MICU2: variants seen among roughly 807,000 people sequenced by gnomAD.
The protein encoded by MICU2 is mitochondrial calcium uptake 2, also known as calcium uptake protein 2, mitochondrial.
Under a neutral mutation model 60.4 loss-of-function variants are expected in MICU2, and 64 were observed. That is an observed-to-expected ratio of 1.06 (90% CI 0.87 to 1.31). The LOEUF (loss-of-function observed/expected upper bound fraction) is 1.31, where lower values mean the gene tolerates loss of function less well. MICU2 is among the 50% of genes most tolerant of loss of function. The probability of loss-of-function intolerance (pLI) is 0.00; values close to 1 mark genes in which losing one functional copy is unlikely to be tolerated. For synonymous variants in MICU2, 201 were observed against 175.0 expected, an observed-to-expected ratio of 1.15 and a Z score of -1.17; for missense variants, 569 against 531.0, an observed-to-expected ratio of 1.07 and a Z score of -0.70.
At position 21,522,481 on chromosome 13, in the gene MICU2, T is replaced by C. The variant is rs561374158; in HGVS notation, c.514+122A>G. The C allele has an allele frequency of 1.6e-5, 11 of 709,044 alleles. 1 individual carries two copies. The highest frequency in any genetic ancestry group is 5.5e-5 in the African/African-American group (3 of 54,798). The allele number at this position is 709,044 out of a possible 1,614,324, so 43.9% of individuals were successfully genotyped here. A position where few individuals can be genotyped will look rare whatever the true frequency, so the allele number is the denominator to read the frequency against. ...ATCCAACATTATCATTTTGCAGATA[T>C]AGAAACTAAGGCATCAATAATGTTT... On this transcript the variant is annotated intron_variant, in intron 5 of 11. Coordinates refer to ENST00000382374, the MANE Select transcript of MICU2 (RefSeq NM_152726.3).
intron 4 of MICU2, among the ~76,000 whole-genome samples, chr13:21,532,964 C>A (rs1260042033): frequency 6.6e-6 from 1 of 151,972 alleles, no homozygotes; most frequent in Non-Finnish European, 1.5e-5. Context: ...TAGAGAGAAA[C>A]AAACTGGTGA....
intron 9 of MICU2, among the ~76,000 whole-genome samples, chr13:21,499,277 G>T (rs1415880316): frequency 2.0e-5 from 3 of 152,056 alleles, no homozygotes; most frequent in African/African-American, 4.8e-5. Flanking sequence ...AATTGTGAAT[G>T]AAGTTAAACA....
intron 9 of MICU2, among the ~76,000 whole-genome samples, chr13:21,500,960 T>C (rs527481395): frequency 9.8e-5 from 15 of 152,330 alleles, no homozygotes; most frequent in African/African-American, 3.6e-4. Flanking sequence ...TGTTTTCTTC[T>C]ACACTTACTC....
intron 1 of MICU2, among the ~76,000 whole-genome samples, chr13:21,585,047 A>T (rs1177640988): frequency 6.6e-6 from 1 of 152,244 alleles, no homozygotes; most frequent in East Asian, 1.9e-4. Context: ...GTCACTGTAT[A>T]GATTTACAGT....
At chr13:21,541,997 T>A (rs988028300) in intron 2 of MICU2, among the ~76,000 whole-genome samples, 3 of 152,056 alleles carry the variant, frequency 2.0e-5, no homozygotes, top group Admixed American at 2.0e-4. Flanking sequence ...TGATTAAAAG[T>A]TTAGAAGCTA....
intron 8 of MICU2, among the ~76,000 whole-genome samples, chr13:21,504,342 T>C (rs892666245): frequency 3.3e-5 from 5 of 151,984 alleles, no homozygotes; most frequent in African/African-American, 7.2e-5. Flanking sequence ...AAGCAGAAGA[T>C]AGGGCATAAA....
intron 1 of MICU2, among the ~76,000 whole-genome samples, chr13:21,590,840 C>A (rs569682566): frequency 6.6e-6 from 1 of 152,058 alleles, no homozygotes; most frequent in Non-Finnish European, 1.5e-5. Context: ...GGCGACAAAG[C>A]GAGACTCTGT....
intron 9 of MICU2, among the ~76,000 whole-genome samples, chr13:21,497,485 G>C (rs1011269328): frequency 2.0e-5 from 3 of 152,168 alleles, no homozygotes; most frequent in Non-Finnish European, 4.4e-5. Context: ...GAGGTGGCCG[G>C]ACTGCCTGAG....
chr13:21,597,251 T>C (rs1218913643), intron 1 of MICU2, among the ~76,000 whole-genome samples: 1 of 152,222 alleles, frequency 6.6e-6, no homozygotes, highest in East Asian at 1.9e-4. Flanking sequence ...GCACCTACTA[T>C]GTGCCAGACT....
At chr13:21,546,764 C>T (rs1887429011) in intron 2 of MICU2, among the ~76,000 whole-genome samples, 2 of 151,982 alleles carry the variant, frequency 1.3e-5, no homozygotes, top group Admixed American at 6.6e-5. Flanking sequence ...TAGCTAGAGG[C>T]TTGCAGAAAC....
At chr13:21,594,884 G>C (rs1888659231) in intron 1 of MICU2, among the ~76,000 whole-genome samples, 1 of 152,096 alleles carries the variant, frequency 6.6e-6, no homozygotes, top group East Asian at 1.9e-4. Context: ...GTTAGGGGGT[G>C]GGGATTGAGG....
chr13:21,556,384 T>C (rs1295620784), intron 2 of MICU2, among the ~76,000 whole-genome samples: 1 of 152,200 alleles, frequency 6.6e-6, no homozygotes, highest in Non-Finnish European at 1.5e-5. Flanking sequence ...TCCTTATCTC[T>C]TCACCTCCAA....
At chr13:21,537,270 C>T (rs150237436) in intron 4 of MICU2, among the ~76,000 whole-genome samples, 1 of 152,264 alleles carries the variant, frequency 6.6e-6, no homozygotes, top group African/African-American at 2.4e-5. Context: ...CCTAGCAAAT[C>T]CTAACTGTCC....
At chr13:21,525,761 T>C (rs1886838244) in intron 4 of MICU2, among the ~76,000 whole-genome samples, 1 of 151,928 alleles carries the variant, frequency 6.6e-6, no homozygotes, top group Admixed American at 6.6e-5. Context: ...TTAAGAAAAG[T>C]TTTGTATAGT....
chr13:21,521,905 G>A (rs1886726380), intron 5 of MICU2, among the ~76,000 whole-genome samples: 1 of 152,114 alleles, frequency 6.6e-6, no homozygotes. Context: ...GCCTCGACAA[G>A]TAGTTGCGAC....
Position 21,556,364 on chromosome 13 carries a change from C to CTCTGGGTTTTCCTTA in MICU2, c.358+10418_358+10432dup, listed in dbSNP as rs1370371744. Reference sequence around the variant, plus strand: ...TCTTCCTACCTTTTAGCTGCTCCTTCTCTGGGTTTTCCTTATCTCTTCACC... The same window carrying CTCTGGGTTTTCCTTA: ...TCTTCCTACCTTTTAGCTGCTCCTTCTCTGGGTTTTCCTTATCTGGGTTTTCCTTATCTCTTCACC... On this transcript the variant is annotated intron_variant, in intron 2 of 11. Transcript: ENST00000382374. Among the ~76,000 whole-genome samples the CTCTGGGTTTTCCTTA allele has an allele frequency of 2.0e-5, 3 of 152,300 alleles. No homozygotes were observed. In the East Asian group the frequency reaches 5.8e-4, roughly 29 times the overall value.
At chr13:21,535,824 T>TA (rs2137994038) in intron 4 of MICU2, among the ~76,000 whole-genome samples, 1 of 152,292 alleles carries the variant, frequency 6.6e-6, no homozygotes, top group East Asian at 1.9e-4. Context: ...TATAAATGTT[T>TA]AAAATATCTT....
At chr13:21,561,690 CTTTTT>C (rs34858728) in intron 2 of MICU2, among the ~76,000 whole-genome samples, 12 of 135,120 alleles carry the variant, frequency 8.9e-5, no homozygotes, top group African/African-American at 2.7e-4. Flanking sequence ...AAGTGGGTTT[CTTTTT>C]TTTTTTTTTT....
chr13:21,604,125 G>A lies in MICU2; in HGVS notation c.24C>T (p.Cys8=), dbSNP rs1324709327. The A allele has an allele frequency of 1.9e-6, 3 of 1,565,434 alleles. No homozygotes were observed. The highest frequency in any genetic ancestry group is 1.7e-6 in the Non-Finnish European group (2 of 1,158,124). ...TTCCGCCCCAGGCCGCCACCCGCGC[G>A]CAGCTACCCGCAGCCGCCGCCATCT... is the stretch of plus-strand genomic sequence containing the variant. MAAAAGS[C]ARVAAWGGKL... The change falls in exon 1 of 12, where the codon TGC becomes TGT. Residue 8 remains cysteine, a synonymous_variant. Coordinates refer to ENST00000382374, the MANE Select transcript of MICU2 (RefSeq NM_152726.3).
Sources: gnomAD v4.1 joint callset for allele counts (sites outside exome capture counted in the v4.1 genomes callset) on GRCh38, gnomAD v4.1.1 for gene constraint, MANE v1.5 for transcripts, NCBI Gene and HGNC (gene_info 2026-07-23, HGNC 2026-07-21) for gene names.